STARD7: variants seen among roughly 807,000 people sequenced by gnomAD.
The protein encoded by STARD7 is stAR-related lipid transfer protein 7, mitochondrial.
STARD7 carries 30 observed loss-of-function variants against 45.3 expected under a neutral mutation model. The observed-to-expected ratio is 0.66, with a 90% CI of 0.50 to 0.90. The LOEUF is 0.90. Ranked by LOEUF, STARD7 falls within the 40% of genes least tolerant of loss-of-function variation. The pLI is 0.00. For missense variants in STARD7, 495 were observed against 491.3 expected (o/e 1.01, Z -0.07); for synonymous variants, 199 against 183.0 (o/e 1.09, Z -0.70).
rs1189318098 is a variant in STARD7, at chr2:96,187,439, T to TA, written c.844-139dup. On this transcript the variant is annotated intron_variant, in intron 6 of 7. Transcript: ENST00000337288. ...TTTTTCACCCTGTGCAGAAAAGAGT[T>TA]AACACTGAAGGCCTGAGAGACTACT... 6.4e-6 allele frequency: 4 copies of TA among 621,918 alleles called. No individual in the cohort carries two copies. The African/African-American group carries it at 7.4e-5, about 11-fold the overall frequency. The allele number at this position is 621,918 out of a possible 1,614,324, so 38.5% of individuals were successfully genotyped here. A position where few individuals can be genotyped will look rare whatever the true frequency, so the allele number is the denominator to read the frequency against.
At chr2:96,195,275 T>C (rs1558735176) in intron 2 of STARD7, 66 bp downstream of exon 2, 3 of 1,358,422 alleles carry the variant, frequency 2.2e-6, no homozygotes, top group African/African-American at 1.4e-5. Context: ...TAGAGAAGTA[T>C]GAAGAACAGA....
intron 1 of STARD7, among the ~76,000 whole-genome samples, chr2:96,207,368 G>T (rs1042387946): frequency 2.0e-5 from 3 of 152,220 alleles, no homozygotes; most frequent in Non-Finnish European, 4.4e-5. Flanking sequence ...GGAGGGCACA[G>T]TTTAAGAATA....
At chr2:96,194,791 A>C (rs1333527472) in intron 3 of STARD7, among the ~76,000 whole-genome samples, 167 bp downstream of exon 3, 1 of 152,252 alleles carries the variant, frequency 6.6e-6, no homozygotes, top group African/African-American at 2.4e-5. Context: ...GGGACAGATA[A>C]AGAAATTCTA....
At chr2:96,190,939 G>C (rs1683116886) in intron 6 of STARD7, among the ~76,000 whole-genome samples, 1 of 152,144 alleles carries the variant, frequency 6.6e-6, no homozygotes, top group South Asian at 2.1e-4. Flanking sequence ...TGAGGTGGGA[G>C]GATTGCTTGA....
chr2:96,191,347 AG>A (rs1683122873), intron 6 of STARD7, among the ~76,000 whole-genome samples: 1 of 152,180 alleles, frequency 6.6e-6, no homozygotes, highest in Admixed American at 6.5e-5. Context: ...GGATGGATAC[AG>A]GGGGTTCATT....
chr2:96,187,216 C>A lies in STARD7; in HGVS notation c.928+1G>T. ...GGCCCTGTATACTTGCCCTTACTTA[C>A]CACTGGAAACCATCCAACTAACACA... On this transcript the variant is annotated splice_donor_variant, in intron 7 of 7. Transcript: ENST00000337288. LOFTEE classifies it high-confidence loss of function. 6.2e-7 allele frequency: 1 copy of A among 1,611,000 alleles called. No homozygotes were observed. The highest frequency in any genetic ancestry group is 8.5e-7 in the Non-Finnish European group (1 of 1,177,308).
intron 1 of STARD7, among the ~76,000 whole-genome samples, chr2:96,206,193 T>G (rs938939321): frequency 2.6e-5 from 4 of 152,158 alleles, no homozygotes; most frequent in Admixed American, 6.5e-5. Flanking sequence ...ATTTCCTATC[T>G]TTTTTCCCCA....
intron 6 of STARD7, among the ~76,000 whole-genome samples, chr2:96,190,990 C>G (rs1277349639): frequency 1.3e-5 from 2 of 151,950 alleles, no homozygotes; most frequent in African/African-American, 2.4e-5. Context: ...ATGGTGAGAC[C>G]CCATCTCTAC....
chr2:96,203,969 C>T (rs906453365), intron 1 of STARD7, among the ~76,000 whole-genome samples: 16 of 149,392 alleles, frequency 1.1e-4, no homozygotes, highest in African/African-American at 4.0e-4. Flanking sequence ...CCATACCCCC[C>T]AAAAAAAGAC....
At chr2:96,207,833 G>T (rs1683422749) in intron 1 of STARD7, among the ~76,000 whole-genome samples, 1 of 152,210 alleles carries the variant, frequency 6.6e-6, no homozygotes, top group Admixed American at 6.5e-5. Context: ...CAGATTACAT[G>T]AACAAGGGCC....
chr2:96,185,477 T>C lies in STARD7; in HGVS notation c.*1253A>G, dbSNP rs892628198. The C allele has an allele frequency of 4.6e-5, 7 of 152,182 alleles. No homozygotes were observed. Among genetic ancestry groups the C allele is most frequent in the Admixed American group, 6.5e-5 (1 of 15,280 alleles). The allele number at this position is 152,182 out of a possible 1,614,324, so 9.4% of individuals were successfully genotyped here. A position where few individuals can be genotyped will look rare whatever the true frequency, so the allele number is the denominator to read the frequency against. ...ACTTGATCCCTATTATTCTAACAAA[T>C]TGCAGCATGACCATAAGCAAAACCA... On this transcript the variant is annotated 3_prime_UTR_variant, in exon 8 of 8. Transcript: ENST00000337288.
At chr2:96,206,008 T>A (rs1236556445) in intron 1 of STARD7, among the ~76,000 whole-genome samples, 1 of 152,164 alleles carries the variant, frequency 6.6e-6, no homozygotes, top group African/African-American at 2.4e-5. Context: ...TCTGAACTCC[T>A]GAAATTCCAA....
chr2:96,202,094 TCC>T (rs1683313431), intron 1 of STARD7, among the ~76,000 whole-genome samples: 1 of 152,146 alleles, frequency 6.6e-6, no homozygotes, highest in Non-Finnish European at 1.5e-5. Flanking sequence ...CTGCCTGAAA[TCC>T]CTTTCTATTT....
chr2:96,190,783 C>T (rs1212625328), intron 6 of STARD7, among the ~76,000 whole-genome samples: 1 of 152,134 alleles, frequency 6.6e-6, no homozygotes, highest in Non-Finnish European at 1.5e-5. Flanking sequence ...GCTGGGACTA[C>T]AGGCACATAT....
rs529929234 is a variant in STARD7, at chr2:96,208,442, C to T, written c.-8G>A. On this transcript the variant is annotated 5_prime_UTR_variant, in exon 1 of 8. Transcript: ENST00000337288. ...CAGCCTCCGCGGGAGCATGCCGCCT[C>T]CCGCAGGGCCCGCCGCGAGCTTCCG... 2.2e-6 allele frequency: 3 copies of T among 1,361,598 alleles called. No individual in the cohort carries two copies. The highest frequency in any genetic ancestry group is 1.8e-5 in the South Asian group (1 of 55,422). The allele number at this position is 1,361,598 out of a possible 1,614,324, so 84.3% of individuals were successfully genotyped here.
chr2:96,204,748 C>CAAAAAAAAAAAA (rs1440246072), intron 1 of STARD7, among the ~76,000 whole-genome samples: 1 of 86,918 alleles, frequency 1.2e-5, no homozygotes, highest in African/African-American at 4.4e-5. Flanking sequence ...GTGACAATGG[C>CAAAAAAAAAAAA]CAAAAAAAAA....
At chr2:96,201,617 C>T (rs1683306769) in intron 1 of STARD7, among the ~76,000 whole-genome samples, 1 of 149,742 alleles carries the variant, frequency 6.7e-6, no homozygotes, top group Non-Finnish European at 1.5e-5. Flanking sequence ...TGCAACGGCT[C>T]ACACCTGTAA....
chr2:96,186,797 G>A lies in STARD7; in HGVS notation c.1046C>T (p.Ala349Val). 2 of 1,613,948 alleles carry A rather than the reference G, an allele frequency of 1.2e-6. No individual in the cohort carries two copies. Among genetic ancestry groups the A allele is most frequent in the Non-Finnish European group, 1.7e-6 (2 of 1,179,854 alleles). ...KPLEMSSEAK[A>V]TSQSSERKNE... ...CTTTCGCTCAGAGGACTGGCTGGTG[G>A]CCTTGGCTTCACTACTCATTTCCAG... is the stretch of plus-strand genomic sequence containing the variant. The change falls in exon 8 of 8, where the codon GCC becomes GTC. Residue 349 changes from alanine to valine, a missense_variant. Physicochemically the swap from Ala to Val is moderately conservative, Grantham distance 64. Transcript: ENST00000337288.
chr2:96,192,045 G>C (rs1039739217), intron 6 of STARD7, among the ~76,000 whole-genome samples: 19 of 152,188 alleles, frequency 1.2e-4, no homozygotes, highest in African/African-American at 4.6e-4. Flanking sequence ...GCCCACTGTA[G>C]TAAAATGTTG....
Sources: gnomAD v4.1 joint callset for allele counts (sites outside exome capture counted in the v4.1 genomes callset) on GRCh38, gnomAD v4.1.1 for gene constraint, MANE v1.5 for transcripts, NCBI Gene and HGNC (gene_info 2026-07-23, HGNC 2026-07-21) for gene names.